ING3: variants seen among roughly 807,000 people sequenced by gnomAD.
The protein encoded by ING3 is inhibitor of growth protein 3.
A neutral mutation model predicts 64.8 loss-of-function variants in ING3; 6 were observed. The observed-to-expected ratio is 0.09, with a 90% confidence interval of 0.05 to 0.18. ING3 has a LOEUF of 0.18. Ranked by LOEUF, ING3 falls within the 10% of genes least tolerant of loss-of-function variation. ING3 has a pLI of 1.00. For missense variants in ING3, 310 were observed against 489.7 expected (o/e 0.63, Z 3.46); for synonymous variants, 170 against 173.7 (o/e 0.98, Z 0.17).
intron 4 of ING3, among the ~76,000 whole-genome samples, chr7:120,957,532 A>G (rs1359489164): frequency 6.6e-6 from 1 of 152,194 alleles, no homozygotes; most frequent in African/African-American, 2.4e-5. Context: ...TCTACTGAAA[A>G]ACATTGAAGT....
intron 2 of ING3, 116 bp from the exon 3 acceptor site, chr7:120,953,188 T>C (rs1795792923): frequency 1.8e-6 from 1 of 542,202 alleles, no homozygotes; most frequent in East Asian, 3.3e-5. Flanking sequence ...ATATTTAAGT[T>C]ACTGGCAAGG....
At chr7:120,967,476 T>C (rs150536892) in intron 6 of ING3, 53 bp from the exon 7 acceptor site, 1 of 1,333,402 alleles carries the variant, frequency 7.5e-7, no homozygotes, top group Non-Finnish European at 1.0e-6. Flanking sequence ...TATTATGCCT[T>C]GTCCATAGTT....
At chr7:120,968,133 C>G (rs776381044) in intron 8 of ING3, 42 bp downstream of exon 8, 2 of 1,561,152 alleles carry the variant, frequency 1.3e-6, no homozygotes, top group South Asian at 1.2e-5. Flanking sequence ...TACATTTTGT[C>G]GGAATCATTG....
At chr7:120,952,900 A>G (rs1795788595) in intron 2 of ING3, among the ~76,000 whole-genome samples, 1 of 152,164 alleles carries the variant, frequency 6.6e-6, no homozygotes. Context: ...TTAATGCCAT[A>G]TACCAAATAT....
chr7:120,972,220 T>C (rs1796078968), intron 10 of ING3, among the ~76,000 whole-genome samples: 1 of 152,172 alleles, frequency 6.6e-6, no homozygotes. Flanking sequence ...CTCTTCTTTC[T>C]ACAAAAAATT....
At position 120,973,100 on chromosome 7, in the gene ING3, G is replaced by A; in HGVS notation, c.1102-105G>A. On this transcript the variant is annotated intron_variant, in intron 10 of 11. Coordinates refer to ENST00000315870, the MANE Select transcript of ING3 (RefSeq NM_019071.3). The stretch of plus-strand genomic sequence containing the variant: ...GATTCTCAATGTAATTGTATATTCA[G>A]TGTATTTCCCTTTATTTTCCAGCAG... 3 of 635,840 alleles carry A rather than the reference G, an allele frequency of 4.7e-6. No individual in the cohort carries two copies. The South Asian group carries it at 4.9e-5, about 10-fold the overall frequency. 39.4% of individuals were successfully genotyped at this position (635,840 alleles called of 1,614,324 possible).
intron 4 of ING3, among the ~76,000 whole-genome samples, chr7:120,962,257 A>G (rs1020019649): frequency 6.6e-6 from 1 of 152,156 alleles, no homozygotes; most frequent in Non-Finnish European, 1.5e-5. Context: ...TCATTGCCTA[A>G]TAATTGCTTA....
rs1463223194 is a variant in ING3 at position 120,972,334 on chromosome 7, G to C, written c.1102-871G>C. 3.3e-5 allele frequency among the ~76,000 whole-genome samples: 5 copies of C among 152,180 alleles called. No homozygotes were observed. In the East Asian group the frequency reaches 7.7e-4, roughly 23 times the overall value. On this transcript the variant is annotated intron_variant, in intron 10 of 11. Coordinates refer to ENST00000315870, the MANE Select transcript of ING3 (RefSeq NM_019071.3). The stretch of plus-strand genomic sequence containing the variant: ...ACTTAGTCTATCAGCAGATTATTGT[G>C]TCTAACAGTATGAGTTGCCAGTCTG...
intron 5 of ING3, among the ~76,000 whole-genome samples, chr7:120,966,289 A>T (rs957722491): frequency 1.3e-5 from 2 of 152,038 alleles, no homozygotes; most frequent in African/African-American, 4.8e-5. Context: ...AACTAGGTTG[A>T]CTCTTACCAG....
At chr7:120,963,732 T>C (rs925216331) in intron 4 of ING3, among the ~76,000 whole-genome samples, 1 of 152,142 alleles carries the variant, frequency 6.6e-6, no homozygotes. Flanking sequence ...ATGCACATTG[T>C]GTTTTGCTAC....
At chr7:120,951,023 G>T in intron 1 of ING3, 99 bp downstream of exon 1, 1 of 1,500,738 alleles carries the variant, frequency 6.7e-7, no homozygotes, top group South Asian at 1.1e-5. Context: ...GGGGGCGGCG[G>T]GGGATGTTTC....
intron 10 of ING3, 142 bp from the exon 11 acceptor site, chr7:120,973,063 T>A: frequency 2.0e-5 from 7 of 348,764 alleles, no homozygotes; most frequent in East Asian, 9.7e-5. Context: ...CAGGAAAAAA[T>A]TATTATACCT....
At chr7:120,959,839 G>T (rs940235383) in intron 4 of ING3, among the ~76,000 whole-genome samples, 2 of 151,394 alleles carry the variant, frequency 1.3e-5, no homozygotes, top group South Asian at 2.1e-4. Context: ...TAGAGACGGG[G>T]TTTCACCGTG....
chr7:120,973,198 T>C lies in ING3; in HGVS notation c.1102-7T>C, dbSNP rs1251043148. 12 of 1,492,942 alleles carry C rather than the reference T, an allele frequency of 8.0e-6. No individual in the cohort carries two copies. The Middle Eastern group carries it at 1.0e-3, about 129-fold the overall frequency. The allele number at this position is 1,492,942 out of a possible 1,614,324, so 92.5% of individuals were successfully genotyped here. A position where few individuals can be genotyped will look rare whatever the true frequency, so the allele number is the denominator to read the frequency against. On this transcript the variant is annotated splice_region_variant and splice_polypyrimidine_tract_variant and intron_variant, in intron 10 of 11. Coordinates refer to ENST00000315870, the MANE Select transcript of ING3 (RefSeq NM_019071.3). ...CATAATAAAGACATTTAATTTTTTTTAACTAGGTATCTTATGGTGAGATGG... is the reference window on the plus strand; with the variant it reads ...CATAATAAAGACATTTAATTTTTTTCAACTAGGTATCTTATGGTGAGATGG...
intron 4 of ING3, among the ~76,000 whole-genome samples, chr7:120,960,138 G>A (rs528109450): frequency 6.6e-6 from 1 of 152,142 alleles, no homozygotes. Context: ...TGTTGGAAAA[G>A]CTAAGGAAAG....
At position 120,971,622 on chromosome 7, in the gene ING3, A is replaced by G. The variant is rs147124794; in HGVS notation, c.1101+742A>G. ...ATACCGAACATGATTTTTCTTTAAG[A>G]TCATATTTTTAATTTTCACATAGTT... is the stretch of plus-strand genomic sequence containing the variant. On this transcript the variant is annotated intron_variant, in intron 10 of 11. Transcript: ENST00000315870. Among the ~76,000 whole-genome samples the G allele has an allele frequency of 4.6e-4, 70 of 152,040 alleles. 2 individuals are homozygous for G. The East Asian group carries it at 0.013, about 28-fold the overall frequency.
intron 5 of ING3, among the ~76,000 whole-genome samples, chr7:120,965,214 C>T (rs1365319783): frequency 1.3e-5 from 2 of 152,150 alleles, no homozygotes; most frequent in Non-Finnish European, 2.9e-5. Flanking sequence ...TTGTTAGTTT[C>T]TCTTCTTAAG....
rs1210773298 is a variant in ING3 at position 120,951,058 on chromosome 7, G to A, written c.29-106G>A. On this transcript the variant is annotated intron_variant, in intron 1 of 11. Coordinates refer to ENST00000315870, the MANE Select transcript of ING3 (RefSeq NM_019071.3). ...CTTTCTCACGGTAACTGGCAGCCTC[G>A]TTGTGGGCTGCCGGCCCCCTCGACC... is the stretch of plus-strand genomic sequence containing the variant. 13 of 1,504,606 alleles carry A rather than the reference G, an allele frequency of 8.6e-6. 1 individual carries two copies. The South Asian group carries it at 1.4e-4, about 16-fold the overall frequency. The allele number at this position is 1,504,606 out of a possible 1,614,324, so 93.2% of individuals were successfully genotyped here. A position where few individuals can be genotyped will look rare whatever the true frequency, so the allele number is the denominator to read the frequency against.
chr7:120,963,622 T>G (rs1292332352), intron 4 of ING3, among the ~76,000 whole-genome samples: 1 of 152,132 alleles, frequency 6.6e-6, no homozygotes, highest in East Asian at 1.9e-4. Context: ...ACCTATAAAG[T>G]AGAGACAGTA....
Sources: gnomAD v4.1 joint callset for allele counts (sites outside exome capture counted in the v4.1 genomes callset) on GRCh38, gnomAD v4.1.1 for gene constraint, MANE v1.5 for transcripts, NCBI Gene and HGNC (gene_info 2026-07-23, HGNC 2026-07-21) for gene names.